The following CNTLN variants were observed in gnomAD, a reference collection of about 807,000 sequenced individuals.
CNTLN encodes the protein centlein.
A neutral mutation model predicts 180.0 loss-of-function variants in CNTLN; 212 were observed. That is an observed-to-expected ratio of 1.18 (90% CI 1.05 to 1.32). The LOEUF is 1.32. Ranked by LOEUF, CNTLN falls within the 40% of genes most tolerant of loss-of-function variation. The pLI is 0.00. For synonymous variants in CNTLN, 722 were observed against 563.1 expected (o/e 1.28, Z -3.99); for missense variants, 2,095 against 1,610.9 (o/e 1.30, Z -5.14).
intron 6 of CNTLN, among the ~76,000 whole-genome samples, chr9:17,294,331 A>G (rs1817637296): frequency 6.6e-6 from 1 of 151,894 alleles, no homozygotes; most frequent in Non-Finnish European, 1.5e-5. Context: ...TTTTACAGAG[A>G]GCCGATTGGT....
intron 2 of CNTLN, among the ~76,000 whole-genome samples, chr9:17,153,477 A>G (rs1345768037): frequency 6.6e-6 from 1 of 152,212 alleles, no homozygotes; most frequent in Non-Finnish European, 1.5e-5. Flanking sequence ...AACATTGAAT[A>G]TTGGCCTTAA....
At chr9:17,379,586 G>T (rs1220345591) in intron 13 of CNTLN, among the ~76,000 whole-genome samples, 1 of 152,146 alleles carries the variant, frequency 6.6e-6, no homozygotes, top group African/African-American at 2.4e-5. Flanking sequence ...GGATGACATT[G>T]TCTGATGCCC....
At chr9:17,249,794 A>T (rs908034790) in intron 5 of CNTLN, among the ~76,000 whole-genome samples, 2 of 151,114 alleles carry the variant, frequency 1.3e-5, no homozygotes, top group South Asian at 2.1e-4. Context: ...TTTATGGCTT[A>T]ACTTATGGTG....
chr9:17,184,741 TACTC>T (rs1821328370), intron 2 of CNTLN, among the ~76,000 whole-genome samples: 1 of 152,188 alleles, frequency 6.6e-6, no homozygotes, highest in African/African-American at 2.4e-5. Flanking sequence ...ACAATAGGAA[TACTC>T]ACACAATAAC....
Position 17,466,892 on chromosome 9 carries a change from G to T in CNTLN, c.3855+1G>T, listed in dbSNP as rs1831784391. 1.2e-6 allele frequency: 2 copies of T among 1,605,116 alleles called. No individual in the cohort carries two copies. The highest frequency in any genetic ancestry group is 8.5e-7 in the Non-Finnish European group (1 of 1,174,558). ...AGAAGAGTTCACCACATTTGTGAAG[G>T]TTTGAATTACTTGTCGTTTACTAAC... On this transcript the variant is annotated splice_donor_variant, in intron 23 of 25. Transcript: ENST00000380647. LOFTEE classifies it high-confidence loss of function.
At chr9:17,204,773 T>C (rs1309057332) in intron 2 of CNTLN, among the ~76,000 whole-genome samples, 1 of 152,174 alleles carries the variant, frequency 6.6e-6, no homozygotes, top group African/African-American at 2.4e-5. Flanking sequence ...TTAAGCCCGC[T>C]AAAGCTGAGC....
At chr9:17,335,289 C>T (rs1011412656) in intron 10 of CNTLN, among the ~76,000 whole-genome samples, 2 of 152,014 alleles carry the variant, frequency 1.3e-5, no homozygotes, top group East Asian at 3.9e-4. Flanking sequence ...GAGGCCAAGC[C>T]GGGTGGATCA....
In CNTLN at chr9:17,466,691, G is replaced by A; in HGVS notation, c.3670-15G>A. On this transcript the variant is annotated splice_polypyrimidine_tract_variant and intron_variant, in intron 22 of 25. Transcript: ENST00000380647. ...ATAAAATATCTTTTATTTTATGACT[G>A]CTGATCTTTTGCAGGATCTCAAGCT... 1 of 1,598,098 alleles carries A rather than the reference G, an allele frequency of 6.3e-7. No individual in the cohort carries two copies. The highest frequency in any genetic ancestry group is 8.5e-7 in the Non-Finnish European group (1 of 1,171,478).
chr9:17,182,329 T>A (rs909752976), intron 2 of CNTLN, among the ~76,000 whole-genome samples: 1 of 152,188 alleles, frequency 6.6e-6, no homozygotes, highest in Admixed American at 6.5e-5. Context: ...GTCAACTTTT[T>A]CTGTTCCATA....
chr9:17,337,274 A>G (rs1821117097), intron 10 of CNTLN, among the ~76,000 whole-genome samples: 1 of 152,054 alleles, frequency 6.6e-6, no homozygotes, highest in Admixed American at 6.5e-5. Flanking sequence ...GTTCACTCTG[A>G]TGATAGTTTC....
At chr9:17,382,713 A>T (rs901455522) in intron 13 of CNTLN, among the ~76,000 whole-genome samples, 1 of 152,146 alleles carries the variant, frequency 6.6e-6, no homozygotes. Context: ...ACTACTTACA[A>T]TTGCTATCCA....
intron 2 of CNTLN, among the ~76,000 whole-genome samples, chr9:17,216,180 G>T (rs759231649): frequency 1.2e-4 from 19 of 152,118 alleles, no homozygotes; most frequent in Non-Finnish European, 2.5e-4. Flanking sequence ...GTTCCTATTT[G>T]ACCAACTTGG....
At chr9:17,164,950 C>T (rs1369589466) in intron 2 of CNTLN, among the ~76,000 whole-genome samples, 1 of 151,256 alleles carries the variant, frequency 6.6e-6, no homozygotes, top group Non-Finnish European at 1.5e-5. Context: ...ATTCTCCTGC[C>T]TCAGCCTCCC....
chr9:17,400,256 G>C (rs1826866030), intron 15 of CNTLN, among the ~76,000 whole-genome samples: 1 of 152,054 alleles, frequency 6.6e-6, no homozygotes, highest in South Asian at 2.1e-4. Context: ...TCCTGCCTCA[G>C]CCTCCTGCGT....
At chr9:17,437,890 CTTGA>C (rs1161881540) in intron 18 of CNTLN, among the ~76,000 whole-genome samples, 1 of 152,040 alleles carries the variant, frequency 6.6e-6, no homozygotes, top group Non-Finnish European at 1.5e-5. Context: ...TCCTGTCATT[CTTGA>C]TTAAGGCTTT....
intron 18 of CNTLN, among the ~76,000 whole-genome samples, chr9:17,451,543 A>G (rs1015106141): frequency 6.6e-6 from 1 of 152,196 alleles, no homozygotes. Context: ...CAAAATGAGA[A>G]AGAAAACTCG....
At chr9:17,230,204 G>C (rs919918576) in intron 3 of CNTLN, among the ~76,000 whole-genome samples, 1 of 152,138 alleles carries the variant, frequency 6.6e-6, no homozygotes, top group Non-Finnish European at 1.5e-5. Flanking sequence ...TGAATGCTTG[G>C]CTGCTGTGAT....
chr9:17,290,204 T>A (rs1435463266), intron 6 of CNTLN, among the ~76,000 whole-genome samples: 1 of 152,148 alleles, frequency 6.6e-6, no homozygotes, highest in African/African-American at 2.4e-5. Context: ...ATGTCCTTTC[T>A]GTTTGTTAGT....
chr9:17,203,641 C>T (rs752262866), intron 2 of CNTLN, among the ~76,000 whole-genome samples: 1 of 152,142 alleles, frequency 6.6e-6, no homozygotes, highest in Non-Finnish European at 1.5e-5. Context: ...ACTGCAAGCT[C>T]CACCTCCCGT....
Sources: allele counts gnomAD v4.1 joint callset (sites outside exome capture counted in the v4.1 genomes callset), GRCh38; gene constraint gnomAD v4.1.1; transcripts MANE v1.5; gene names NCBI Gene and HGNC (gene_info 2026-07-23, HGNC 2026-07-21).